The following KLHL35 variants were observed in gnomAD, a reference collection of about 807,000 sequenced individuals.
The protein encoded by KLHL35 is kelch-like protein 35.
KLHL35 carries 50 observed loss-of-function variants against 44.0 expected under a neutral mutation model. The observed-to-expected ratio is 1.14, with a 90% CI of 0.91 to 1.44. The LOEUF (loss-of-function observed/expected upper bound fraction) is 1.44. Ranked by LOEUF, KLHL35 falls within the 40% of genes most tolerant of loss-of-function variation. The pLI, the probability that KLHL35 is intolerant of heterozygous loss-of-function variation, is 0.00. For missense variants in KLHL35, 1,049 were observed against 887.8 expected, an observed-to-expected ratio of 1.18 and a Z score of -2.31; for synonymous variants, 470 against 410.4, an observed-to-expected ratio of 1.15 and a Z score of -1.76.
In KLHL35 at chr11:75,423,729, TC is replaced by T; in HGVS notation, c.1525del (p.Asp509MetfsTer110). 1 of 1,613,744 alleles carries T rather than the reference TC, an allele frequency of 6.2e-7. No homozygotes were observed. Among genetic ancestry groups the T allele is most frequent in the Non-Finnish European group, 8.5e-7 (1 of 1,179,812 alleles). On this transcript the variant is annotated frameshift_variant, in exon 6 of 7. Transcript: ENST00000539798. LOFTEE classifies it high-confidence loss of function. ...GAGGACAGCTGCCTCCCCCCACACATCTGTGCCTGGATCATAGGTGAAGATT... is the reference window on the plus strand; with the variant it reads ...GAGGACAGCTGCCTCCCCCCACACATTGTGCCTGGATCATAGGTGAAGATT... The part of the protein sequence containing the change: ...SKIFTYDPGT[D>X]VWGEAAVLPS...
Position 75,430,323 on chromosome 11 carries a change from G to A in KLHL35, c.307C>T (p.Leu103=). The stretch of plus-strand genomic sequence containing the variant: ...TACACGTAGTCGAGCACCACGGCCA[G>A]CGCCGCCGCCGCCCCGGCCGGGCTC... ...GTSPAGAAAA[L]AVVLDYVYGA... is the part of the protein sequence containing the mutation. The change falls in exon 2 of 7, where the codon CTG becomes TTG. Residue 103 remains leucine (L), a synonymous_variant. Coordinates refer to ENST00000539798, the MANE Select transcript of KLHL35 (RefSeq NM_001039548.3). The A allele has an allele frequency of 7.9e-7, 1 of 1,265,272 alleles. No individual in the cohort carries two copies. The allele number at this position is 1,265,272 out of a possible 1,614,324, so 78.4% of individuals were successfully genotyped here. A position where few individuals can be genotyped will look rare whatever the true frequency, so the allele number is the denominator to read the frequency against.
rs1007296270 is a variant in KLHL35 at position 75,422,477 on chromosome 11, T to C, written c.*103A>G. On this transcript the variant is annotated 3_prime_UTR_variant, in exon 7 of 7. Coordinates refer to ENST00000539798, the MANE Select transcript of KLHL35 (RefSeq NM_001039548.3). ...TTTATTTATACAAGAAAAGGGACCA[T>C]TAAGTTAAGGGCTGTTTGCGTGGAG... 1.9e-6 allele frequency: 2 copies of C among 1,034,742 alleles called. No homozygotes were observed. Among genetic ancestry groups the C allele is most frequent in the Non-Finnish European group, 2.8e-6 (2 of 711,108 alleles). 64.1% of individuals were successfully genotyped at this position (1,034,742 alleles called of 1,614,324 possible).
At position 75,430,017 on chromosome 11, in the gene KLHL35, C is replaced by A. The variant is rs766877919; in HGVS notation, c.613G>T (p.Asp205Tyr). 45 of 1,417,752 alleles carry A rather than the reference C, an allele frequency of 3.2e-5. 1 individual carries two copies. In the South Asian group the frequency reaches 6.3e-4, roughly 20 times the overall value. 87.8% of individuals were successfully genotyped at this position (1,417,752 alleles called of 1,614,324 possible). ...APDEVVALLA[D>Y]PALGVAREEA... ...TCGCGCGCCACGCCCAGCGCGGGGT[C>A]CGCCAGCAGCGCCACCACCTCGTCA... Residue 205 changes from aspartate to tyrosine, a missense_variant, in exon 2 of 7, where the codon GAC becomes TAC. Physicochemically the swap from Asp to Tyr is radical, Grantham distance 160. Coordinates refer to ENST00000539798, the MANE Select transcript of KLHL35 (RefSeq NM_001039548.3).
Position 75,429,900 on chromosome 11 carries a change from G to C in KLHL35, c.730C>G (p.Leu244Val). 1 of 1,510,254 alleles carries C rather than the reference G, an allele frequency of 6.6e-7. No individual in the cohort carries two copies. Among genetic ancestry groups the C allele is most frequent in the Non-Finnish European group, 8.8e-7 (1 of 1,139,442 alleles). 93.6% of individuals were successfully genotyped at this position (1,510,254 alleles called of 1,614,324 possible). ...QLRRLLEHVR[L>V]PLLAPAYFLE... ...AAGTAAGCGGGCGCCAGTAGCGGCA[G>C]GCGCACGTGCTCCAGCAGGCGTCGC... The change falls in exon 2 of 7, where the codon CTG becomes GTG. Residue 244 changes from leucine to valine, a missense_variant. Coordinates refer to ENST00000539798, the MANE Select transcript of KLHL35 (RefSeq NM_001039548.3).
chr11:75,423,052 T>G lies in KLHL35; in HGVS notation c.1564-284A>C, dbSNP rs560085170. 2.0e-4 allele frequency: 87 copies of G among 442,536 alleles called. No homozygotes were observed. In the South Asian group the frequency reaches 3.1e-3, roughly 16 times the overall value. The allele number at this position is 442,536 out of a possible 1,614,324, so 27.4% of individuals were successfully genotyped here. A position where few individuals can be genotyped will look rare whatever the true frequency, so the allele number is the denominator to read the frequency against. On this transcript the variant is annotated intron_variant, in intron 6 of 6. Transcript: ENST00000539798. ...TTCACAGGGTTCCCTTAACAGTTAA[T>G]GGAAGTTAAGCATATAAAGCATTTT...
intron 1 of KLHL35, among the ~76,000 whole-genome samples, chr11:75,431,324 G>C (rs1431926886): frequency 1.3e-5 from 2 of 152,232 alleles, no homozygotes; most frequent in Non-Finnish European, 2.9e-5. Context: ...AATTCGACAA[G>C]TATTTATTGG....
intron 6 of KLHL35, chr11:75,423,318 A>G (rs149979743): frequency 1.1e-4 from 25 of 218,726 alleles, no homozygotes; most frequent in Admixed American, 5.1e-4. Flanking sequence ...CCCTGCTCTG[A>G]TATCACTAGA....
At chr11:75,432,800 A>G (rs1395752716) in intron 1 of KLHL35, among the ~76,000 whole-genome samples, 2 of 152,172 alleles carry the variant, frequency 1.3e-5, no homozygotes, top group African/African-American at 4.8e-5. Context: ...GTAGGGCTCA[A>G]TGGGTATCCT....
chr11:75,423,673 CCTTGAAGCCTCCACTTACCACAGGG>C lies in KLHL35; in HGVS notation c.1557_1563+18del, dbSNP rs750811279. 1 of 1,610,092 alleles carries C rather than the reference CCTTGAAGCCTCCACTTACCACAGGG, an allele frequency of 6.2e-7. No individual in the cohort carries two copies. Among genetic ancestry groups the C allele is most frequent in the South Asian group, 1.1e-5 (1 of 90,856 alleles). ...CTTAGAAGCGGGTTCCGCTCTCCTG[CCTTGAAGCCTCCACTTACCACAGGG>C]CTGGGGAGGACAGCTGCCTCCCCCC... On this transcript the variant is annotated splice_donor_variant and splice_donor_5th_base_variant and coding_sequence_variant and intron_variant, in exon 6 of 7. Coordinates refer to ENST00000539798, the MANE Select transcript of KLHL35 (RefSeq NM_001039548.3). LOFTEE classifies it high-confidence loss of function.
chr11:75,422,997 C>G, intron 6 of KLHL35: 2 of 542,542 alleles, frequency 3.7e-6, no homozygotes. Context: ...GTTTCCTCAT[C>G]GGCAAAGGGA....
intron 3 of KLHL35, among the ~76,000 whole-genome samples, chr11:75,427,382 A>G (rs189919807): frequency 1.3e-5 from 2 of 152,226 alleles, no homozygotes; most frequent in African/African-American, 4.8e-5. Flanking sequence ...TCACCTCTCA[A>G]TGGGAGCCTC....
chr11:75,428,468 G>T lies in KLHL35; in HGVS notation c.1040C>A (p.Ala347Asp). The T allele has an allele frequency of 6.2e-7, 1 of 1,612,538 alleles. No individual in the cohort carries two copies. The highest frequency in any genetic ancestry group is 8.5e-7 in the Non-Finnish European group (1 of 1,179,882). ...GYTRSEFAAC[A>D]LRNDVYVSGG... is the part of the protein sequence containing the mutation. ...GGAGACGTAGACGTCATTGCGGAGA[G>T]CACAGGCGGCGAATTCTGAGCGAGT... The change falls in exon 3 of 7, where the codon GCT (alanine) becomes GAT (aspartate). Residue 347 changes from alanine to aspartate, a missense_variant. Coordinates refer to ENST00000539798, the MANE Select transcript of KLHL35 (RefSeq NM_001039548.3).
At position 75,430,013 on chromosome 11, in the gene KLHL35, G is replaced by C; in HGVS notation, c.617C>G (p.Pro206Arg). ...PDEVVALLADPALGVAREEAV... is the reference protein window; with the variant it reads ...PDEVVALLADRALGVAREEAV... ...CTCCTCGCGCGCCACGCCCAGCGCG[G>C]GGTCCGCCAGCAGCGCCACCACCTC... The change falls in exon 2 of 7, where the codon CCC (proline) becomes CGC (arginine). Residue 206 changes from proline to arginine, a missense_variant. Coordinates refer to ENST00000539798, the MANE Select transcript of KLHL35 (RefSeq NM_001039548.3). 2.1e-6 allele frequency: 3 copies of C among 1,417,606 alleles called. No homozygotes were observed. Among genetic ancestry groups the C allele is most frequent in the South Asian group, 1.4e-5 (1 of 70,222 alleles). 87.8% of individuals were successfully genotyped at this position (1,417,606 alleles called of 1,614,324 possible).
chr11:75,422,638 A>AG lies in KLHL35; in HGVS notation c.1693dup (p.Leu565ProfsTer27). 6.2e-7 allele frequency: 1 copy of AG among 1,614,010 alleles called. No individual in the cohort carries two copies. On this transcript the variant is annotated frameshift_variant, in exon 7 of 7. Transcript: ENST00000539798. LOFTEE classifies it high-confidence loss of function. ...GCCGTGGGAGCTGGTGCAGCGCTGC[A>AG]GGGATGGCTGGACCTCCACCTGCCC...
At position 75,426,157 on chromosome 11, in the gene KLHL35, G is replaced by A. The variant is rs570340455; in HGVS notation, c.1185+363C>T. 1.3e-3 allele frequency: 206 copies of A among 164,504 alleles called. No individual in the cohort carries two copies. In the Middle Eastern group the frequency reaches 0.025, roughly 20 times the overall value. The allele number at this position is 164,504 out of a possible 1,614,324, so 10.2% of individuals were successfully genotyped here. ...TTTTTAGTAGAGACGGGGTTTCACC[G>A]TGTTAGCCAGGATGGTCTGGATCTC... On this transcript the variant is annotated intron_variant, in intron 4 of 6. Transcript: ENST00000539798.
chr11:75,425,560 C>T lies in KLHL35; in HGVS notation c.1207G>A (p.Asp403Asn), dbSNP rs181295220. ...QGQLFAVGGFDGLRRLHSVER... is the reference protein window; with the variant it reads ...QGQLFAVGGFNGLRRLHSVER... Reference sequence around the variant, plus strand: ...ACGCTGTGCAGGCGCCTCAGGCCGTCGAAGCCACCCACCGCGAACAGCTGC... The same window carrying T: ...ACGCTGTGCAGGCGCCTCAGGCCGTTGAAGCCACCCACCGCGAACAGCTGC... The change falls in exon 5 of 7, where the codon GAC becomes AAC. Residue 403 changes from aspartate (D) to asparagine (N), a missense_variant. By Grantham distance (23) the Asp-to-Asn change is conservative (BLOSUM62 1). Coordinates refer to ENST00000539798, the MANE Select transcript of KLHL35 (RefSeq NM_001039548.3). 4.4e-5 allele frequency: 65 copies of T among 1,486,510 alleles called. No individual in the cohort carries two copies. The East Asian group carries it at 1.1e-3, about 26-fold the overall frequency. The allele number at this position is 1,486,510 out of a possible 1,614,324, so 92.1% of individuals were successfully genotyped here. A position where few individuals can be genotyped will look rare whatever the true frequency, so the allele number is the denominator to read the frequency against.
At chr11:75,429,636 C>A (rs1450772213) in intron 2 of KLHL35, 113 bp downstream of exon 2, 1 of 1,282,902 alleles carries the variant, frequency 7.8e-7, no homozygotes, top group African/African-American at 1.6e-5. Flanking sequence ...AAATGTTGAA[C>A]GAATGACTGA....
At chr11:75,423,034 G>C in intron 6 of KLHL35, 1 of 494,576 alleles carries the variant, frequency 2.0e-6, no homozygotes, top group Non-Finnish European at 3.6e-6. Context: ...TTCTTCACAG[G>C]GTTCCCTTAA....
Position 75,423,170 on chromosome 11 carries a change from C to G in KLHL35, c.1564-402G>C, listed in dbSNP as rs1565170380. On this transcript the variant is annotated intron_variant, in intron 6 of 6. Coordinates refer to ENST00000539798, the MANE Select transcript of KLHL35 (RefSeq NM_001039548.3). ...CAGACTCAAGCCAGAAATCTCACCT[C>G]TAAGGTCACCAAAGGTCAGAACTGG... is the stretch of plus-strand genomic sequence containing the variant. The G allele has an allele frequency of 1.4e-5, 3 of 215,032 alleles. No homozygotes were observed. The East Asian group carries it at 3.3e-4, about 24-fold the overall frequency. 13.3% of individuals were successfully genotyped at this position (215,032 alleles called of 1,614,324 possible).
Sources: gnomAD v4.1 joint callset for allele counts (sites outside exome capture counted in the v4.1 genomes callset) on GRCh38, gnomAD v4.1.1 for gene constraint, MANE v1.5 for transcripts, NCBI Gene and HGNC (gene_info 2026-07-23, HGNC 2026-07-21) for gene names.